Variants in RAI1 observed in about 807,000 individuals in gnomAD.
The protein encoded by RAI1 is retinoic acid induced 1, also known as retinoic acid-induced protein 1.
Under a neutral mutation model 123.8 loss-of-function variants are expected in RAI1, and 9 were observed. The observed-to-expected ratio is 0.07, with a 90% CI of 0.04 to 0.13. The LOEUF (loss-of-function observed/expected upper bound fraction) is 0.13. RAI1 is among the 10% of genes least tolerant of loss of function. RAI1 has a pLI of 1.00. For synonymous variants in RAI1, 1,231 were observed against 1,127.3 expected (o/e 1.09, Z -1.84); for missense variants, 2,256 against 2,545.8 (o/e 0.89, Z 2.45).
rs372539998 is a variant in RAI1 at position 17,798,327 on chromosome 17, C to T, written c.5379C>T (p.Gly1793=). Residue 1793 remains glycine (G), a synonymous_variant, in exon 3 of 6, where the codon GGC becomes GGT. Coordinates refer to ENST00000353383, the MANE Select transcript of RAI1 (RefSeq NM_030665.4). The stretch of plus-strand genomic sequence containing the variant: ...GCTGTGATGGCCGGGAGGATGGGGG[C>T]GAGGAGGCAGCCCCAGCCGACAAGG... ...CYCCDGREDG[G]EEAAPADKGR... 1.5e-4 allele frequency: 236 copies of T among 1,597,582 alleles called. No homozygotes were observed. Among genetic ancestry groups the T allele is most frequent in the Non-Finnish European group, 1.4e-4 (161 of 1,171,710 alleles).
chr17:17,793,695 G>A lies in RAI1; in HGVS notation c.747G>A (p.Arg249=), dbSNP rs2032110777. Residue 249 remains arginine, a synonymous_variant, in exon 3 of 6, where the codon AGG becomes AGA. Coordinates refer to ENST00000353383, the MANE Select transcript of RAI1 (RefSeq NM_030665.4). ...CACCGACTGCCCAGCCCCATGACAGGCCGCTGACTGCCAGCTCCAGCCTGG... is the reference window on the plus strand; with the variant it reads ...CACCGACTGCCCAGCCCCATGACAGACCGCTGACTGCCAGCTCCAGCCTGG... ...CTAPTAQPHD[R]PLTASSSLAP... 1 of 1,613,038 alleles carries A rather than the reference G, an allele frequency of 6.2e-7. No individual in the cohort carries two copies. Among genetic ancestry groups the A allele is most frequent in the East Asian group, 2.2e-5 (1 of 44,872 alleles).
intron 2 of RAI1, among the ~76,000 whole-genome samples, chr17:17,741,775 G>A (rs1210545240): frequency 1.3e-5 from 2 of 152,256 alleles, no homozygotes; most frequent in Non-Finnish European, 2.9e-5. Flanking sequence ...TCAGCATGAA[G>A]GAAACAAAAG....
chr17:17,762,693 TG>T (rs1364955160), intron 2 of RAI1, among the ~76,000 whole-genome samples: 1 of 152,056 alleles, frequency 6.6e-6, no homozygotes, highest in African/African-American at 2.4e-5. Flanking sequence ...TGCTCTGTGG[TG>T]GGGGACTTGT....
intron 1 of RAI1, among the ~76,000 whole-genome samples, chr17:17,708,413 C>T (rs534993512): frequency 9.3e-4 from 115 of 124,082 alleles, no homozygotes; most frequent in Non-Finnish European, 1.3e-3. Flanking sequence ...TATATATATA[C>T]ACACACACAC....
At position 17,794,305 on chromosome 17, in the gene RAI1, C is replaced by T; in HGVS notation, c.1357C>T (p.Leu453=). 6.2e-7 allele frequency: 1 copy of T among 1,613,276 alleles called. No individual in the cohort carries two copies. Among genetic ancestry groups the T allele is most frequent in the Non-Finnish European group, 8.5e-7 (1 of 1,180,042 alleles). ...ENISNTVQQL[L]LSKAAVPQKK... ...CATCTCCAACACCGTCCAGCAGCTG[C>T]TGCTCTCCAAGGCTGCTGTGCCGCA... The change falls in exon 3 of 6, where the codon CTG becomes TTG. Residue 453 remains leucine, a synonymous_variant. Transcript: ENST00000353383.
At chr17:17,710,894 G>A (rs1355138495) in intron 1 of RAI1, among the ~76,000 whole-genome samples, 20 of 152,320 alleles carry the variant, frequency 1.3e-4, no homozygotes, top group Middle Eastern at 3.4e-3. Flanking sequence ...AGCCAGCCTC[G>A]TACTCCAGAG....
rs2032081968 is a variant in RAI1 at position 17,793,102 on chromosome 17, A to G, written c.154A>G (p.Asn52Asp). ...GCGGCTGCTCGCCAAGGACTATTAT[A>G]ACCCGCAGCCTTACCCGAGCTATGA... is the stretch of plus-strand genomic sequence containing the variant. Reference protein sequence around the residue: ...RQRLLAKDYYNPQPYPSYEGG... With the variant: ...RQRLLAKDYYDPQPYPSYEGG... Residue 52 changes from asparagine (N) to aspartate (D), a missense_variant, in exon 3 of 6, where the codon AAC (asparagine) becomes GAC (aspartate). Physicochemically the swap from Asn to Asp is conservative, Grantham distance 23. Coordinates refer to ENST00000353383, the MANE Select transcript of RAI1 (RefSeq NM_030665.4). 1.9e-6 allele frequency: 3 copies of G among 1,613,964 alleles called. No individual in the cohort carries two copies. Among genetic ancestry groups the G allele is most frequent in the Admixed American group, 1.7e-5 (1 of 60,002 alleles).
intron 1 of RAI1, among the ~76,000 whole-genome samples, chr17:17,705,852 C>T (rs1451721973): frequency 1.3e-5 from 2 of 151,676 alleles, no homozygotes; most frequent in Non-Finnish European, 2.9e-5. Flanking sequence ...GGTGAAACCC[C>T]CTCTCTACTA....
chr17:17,721,953 G>A (rs572755446), intron 1 of RAI1, among the ~76,000 whole-genome samples: 1 of 152,292 alleles, frequency 6.6e-6, no homozygotes, highest in African/African-American at 2.4e-5. Flanking sequence ...ATTGGCTGTA[G>A]GATGTATAGA....
chr17:17,811,157 G>C lies in RAI1; in HGVS notation c.*1176G>C. 1 of 290,272 alleles carries C rather than the reference G, an allele frequency of 3.4e-6. No homozygotes were observed. Among genetic ancestry groups the C allele is most frequent in the Non-Finnish European group, 6.8e-6 (1 of 147,156 alleles). 18.0% of individuals were successfully genotyped at this position (290,272 alleles called of 1,614,324 possible). ...TAGGCCTGACGCAGCCCCCAGCCCA[G>C]GGCCGCCCTAGCAACTTCCTGTACA... On this transcript the variant is annotated 3_prime_UTR_variant, in exon 6 of 6. Transcript: ENST00000353383.
chr17:17,745,899 G>A (rs911720532), intron 2 of RAI1, among the ~76,000 whole-genome samples: 1 of 152,212 alleles, frequency 6.6e-6, no homozygotes, highest in African/African-American at 2.4e-5. Flanking sequence ...TGGGCCCTGC[G>A]AGGTGGGTGC....
intron 1 of RAI1, among the ~76,000 whole-genome samples, chr17:17,692,900 G>A (rs1459418718): frequency 6.6e-6 from 1 of 152,216 alleles, no homozygotes; most frequent in Non-Finnish European, 1.5e-5. Flanking sequence ...TAGGTAGAGG[G>A]AGCCAGGCAA....
intron 2 of RAI1, chr17:17,779,025 G>A (rs2031460443): frequency 2.5e-6 from 1 of 396,668 alleles, no homozygotes; most frequent in Non-Finnish European, 5.1e-6. Flanking sequence ...AAAACAGCTG[G>A]ACGCCAGGCC....
At chr17:17,788,978 C>G (rs1002768438) in intron 2 of RAI1, among the ~76,000 whole-genome samples, 1 of 152,182 alleles carries the variant, frequency 6.6e-6, no homozygotes, top group Admixed American at 6.5e-5. Flanking sequence ...CCATCACTGC[C>G]CATTAGTGGA....
intron 4 of RAI1, among the ~76,000 whole-genome samples, chr17:17,806,560 T>G (rs2032597197): frequency 6.6e-6 from 1 of 152,180 alleles, no homozygotes; most frequent in African/African-American, 2.4e-5. Flanking sequence ...TACTGGCCCT[T>G]CCAGGCCCAG....
intron 2 of RAI1, among the ~76,000 whole-genome samples, chr17:17,752,029 A>G (rs922582333): frequency 1.3e-5 from 2 of 152,144 alleles, no homozygotes; most frequent in Admixed American, 1.3e-4. Flanking sequence ...TAGGCACTCA[A>G]TAAATGTTTG....
At chr17:17,697,820 A>G (rs1431736106) in intron 1 of RAI1, among the ~76,000 whole-genome samples, 2 of 152,328 alleles carry the variant, frequency 1.3e-5, no homozygotes, top group African/African-American at 2.4e-5. Flanking sequence ...CTTACACACC[A>G]GGCAGTATCC....
At chr17:17,709,363 G>A (rs1250502307) in intron 1 of RAI1, among the ~76,000 whole-genome samples, 3 of 152,044 alleles carry the variant, frequency 2.0e-5, no homozygotes, top group Non-Finnish European at 4.4e-5. Flanking sequence ...TCTCTTCTTT[G>A]GTCTCACCTC....
chr17:17,733,180 G>C (rs1916322739), intron 2 of RAI1, among the ~76,000 whole-genome samples: 1 of 152,082 alleles, frequency 6.6e-6, no homozygotes, highest in South Asian at 2.1e-4. Flanking sequence ...TCCTGCCCTG[G>C]CATCCTGGCT....
Sources: allele counts gnomAD v4.1 joint callset (sites outside exome capture counted in the v4.1 genomes callset), GRCh38; gene constraint gnomAD v4.1.1; transcripts MANE v1.5; gene names NCBI Gene and HGNC (gene_info 2026-07-23, HGNC 2026-07-21).